Variants in ZNF280D observed in about 807,000 individuals in gnomAD.
ZNF280D encodes the protein zinc finger protein 280D.
A neutral mutation model predicts 94.7 loss-of-function variants in ZNF280D; 39 were observed. The observed-to-expected ratio is 0.41, with a 90% CI of 0.32 to 0.54. The LOEUF is 0.54. Among genes scored for constraint, ZNF280D ranks in the 20% least tolerant of loss-of-function variants. ZNF280D has a pLI of 0.22. For missense variants in ZNF280D, 1,090 were observed against 1,149.3 expected, an observed-to-expected ratio of 0.95 and a Z score of 0.75; for synonymous variants, 398 against 377.6, an observed-to-expected ratio of 1.05 and a Z score of -0.63.
chr15:56,640,304 T>C (rs2052566762), intron 20 of ZNF280D, among the ~76,000 whole-genome samples: 2 of 152,088 alleles, frequency 1.3e-5, no homozygotes, highest in South Asian at 4.1e-4. Flanking sequence ...GTTTTTTGTT[T>C]TTAGCAACAG....
intron 6 of ZNF280D, among the ~76,000 whole-genome samples, chr15:56,697,407 A>C (rs1297344048): frequency 6.6e-6 from 1 of 151,374 alleles, no homozygotes; most frequent in Non-Finnish European, 1.5e-5. Context: ...CTGGTCTCAA[A>C]CTCCTGACCT....
chr15:56,656,930 G>C (rs2140722392), intron 17 of ZNF280D, among the ~76,000 whole-genome samples: 1 of 152,166 alleles, frequency 6.6e-6, no homozygotes, highest in African/African-American at 2.4e-5. Context: ...TCAAAGTAGA[G>C]GCCTAAAGGA....
intron 20 of ZNF280D, among the ~76,000 whole-genome samples, chr15:56,640,539 C>T (rs2052579376): frequency 6.6e-6 from 1 of 151,986 alleles, no homozygotes; most frequent in South Asian, 2.1e-4. Context: ...TTTATTTATG[C>T]CAAAAACAGT....
chr15:56,673,036 A>T (rs976808569), intron 13 of ZNF280D, among the ~76,000 whole-genome samples: 1 of 151,988 alleles, frequency 6.6e-6, no homozygotes, highest in African/African-American at 2.4e-5. Context: ...AGAAGAGAAA[A>T]ACCAAAAAAT....
At chr15:56,672,694 A>T (rs373525094) in intron 13 of ZNF280D, among the ~76,000 whole-genome samples, 22 of 152,004 alleles carry the variant, frequency 1.4e-4, no homozygotes, top group African/African-American at 4.6e-4. Context: ...TGGCACAACC[A>T]ATTATTTATA....
intron 3 of ZNF280D, among the ~76,000 whole-genome samples, chr15:56,704,760 T>G (rs2057300171): frequency 6.6e-6 from 1 of 151,902 alleles, no homozygotes; most frequent in Non-Finnish European, 1.5e-5. Flanking sequence ...ACAGACAGAT[T>G]GCTTGAGGTC....
At chr15:56,642,682 A>C (rs2140557174) in intron 20 of ZNF280D, among the ~76,000 whole-genome samples, 1 of 151,900 alleles carries the variant, frequency 6.6e-6, no homozygotes, top group South Asian at 2.1e-4. Flanking sequence ...TTAATTCATA[A>C]ATTTATCTCC....
At chr15:56,733,401 G>A (rs904211615) in intron 1 of ZNF280D, 57 bp downstream of exon 1, 4 of 966,558 alleles carry the variant, frequency 4.1e-6, no homozygotes, top group East Asian at 1.1e-4. Context: ...CGCAGGCCGC[G>A]CGGGAGGGCC....
chr15:56,682,870 TTTAA>T (rs1308058283), intron 9 of ZNF280D, among the ~76,000 whole-genome samples: 2 of 152,098 alleles, frequency 1.3e-5, no homozygotes, highest in African/African-American at 4.8e-5. Flanking sequence ...GATGTATATA[TTTAA>T]TTATCAAGTG....
chr15:56,673,800 T>A (rs2055028332), intron 13 of ZNF280D, among the ~76,000 whole-genome samples: 1 of 152,050 alleles, frequency 6.6e-6, no homozygotes, highest in South Asian at 2.1e-4. Context: ...ACTGCCTATA[T>A]AATGTCACCT....
intron 17 of ZNF280D, among the ~76,000 whole-genome samples, chr15:56,655,339 C>G (rs1361184528): frequency 2.0e-5 from 3 of 152,158 alleles, no homozygotes; most frequent in African/African-American, 7.2e-5. Flanking sequence ...CCCTGAGTAG[C>G]TGGGACTACA....
intron 1 of ZNF280D, among the ~76,000 whole-genome samples, chr15:56,709,003 C>T (rs2057590257): frequency 6.6e-6 from 1 of 152,114 alleles, no homozygotes; most frequent in Admixed American, 6.5e-5. Flanking sequence ...CCAAAATTGA[C>T]AAATGGGATC....
intron 4 of ZNF280D, 98 bp downstream of exon 4, chr15:56,704,023 T>A (rs2057249467): frequency 7.7e-7 from 1 of 1,290,366 alleles, no homozygotes; most frequent in Non-Finnish European, 1.1e-6. Flanking sequence ...CTCTTTACAG[T>A]GGAACATGAA....
In ZNF280D at chr15:56,654,403, G is replaced by C; in HGVS notation, c.2158C>G (p.Gln720Glu). Residue 720 changes from glutamine (Q) to glutamate (E), a missense_variant, in exon 18 of 22, where the codon CAA (glutamine) becomes GAA (glutamate). Physicochemically the swap from Gln to Glu is conservative, Grantham distance 29 (BLOSUM62 2). Around this residue, in one of 3 missense-constraint regions of ZNF280D, gnomAD observed 577 missense variants for 568.8 expected, o/e 1.01. Transcript: ENST00000267807. The part of the protein sequence containing the change: ...HLSQHKTHTC[Q>E]VVMQKVSVCI... ...TACGTACCTTTCTGCATTACAACTT[G>C]GCAAGTATGAGTTTTATGTTGACTT... 1 of 1,605,478 alleles carries C rather than the reference G, an allele frequency of 6.2e-7. No individual in the cohort carries two copies. The highest frequency in any genetic ancestry group is 8.5e-7 in the Non-Finnish European group (1 of 1,177,886).
At chr15:56,715,843 C>G (rs2058016050) in intron 1 of ZNF280D, among the ~76,000 whole-genome samples, 2 of 152,092 alleles carry the variant, frequency 1.3e-5, no homozygotes, top group Admixed American at 1.3e-4. Flanking sequence ...CGTGGTTCCA[C>G]AACCACAGAT....
intron 16 of ZNF280D, 116 bp downstream of exon 16, chr15:56,666,279 T>A: frequency 9.8e-7 from 1 of 1,019,518 alleles, no homozygotes; most frequent in East Asian, 2.6e-5. Context: ...TATTGTTAGA[T>A]CCTTTTAGCT....
intron 1 of ZNF280D, among the ~76,000 whole-genome samples, chr15:56,723,923 CGT>C (rs2058504721): frequency 6.6e-6 from 1 of 152,174 alleles, no homozygotes; most frequent in Non-Finnish European, 1.5e-5. Flanking sequence ...TTACCTTAAA[CGT>C]GCTCAGAACC....
At chr15:56,677,527 CAACAAACA>C in intron 12 of ZNF280D, 39 bp downstream of exon 12, 1 of 1,411,068 alleles carries the variant, frequency 7.1e-7, no homozygotes, top group East Asian at 2.4e-5. Context: ...ATAACCAAAA[CAACAAACA>C]AACCAAACAC....
intron 1 of ZNF280D, among the ~76,000 whole-genome samples, chr15:56,708,562 C>G (rs795035): frequency 0.99 from 150,711 of 152,308 alleles, 74,592 homozygotes; most frequent in Middle Eastern, 1. Flanking sequence ...TCAGAATTTT[C>G]TTGGTAAAGC....
Sources: gnomAD v4.1 joint callset for allele counts (sites outside exome capture counted in the v4.1 genomes callset) on GRCh38, gnomAD v4.1.1 for gene constraint, gnomAD v4.1.1 regional missense constraint, MANE v1.5 for transcripts, NCBI Gene and HGNC (gene_info 2026-07-23, HGNC 2026-07-21) for gene names.